The following NLK variants were observed in gnomAD, a reference collection of about 807,000 sequenced individuals.
NLK encodes nemo like kinase, also known as serine/threonine-protein kinase NLK.
NLK carries 11 observed loss-of-function variants against 59.0 expected under a neutral mutation model. That is an observed-to-expected ratio of 0.19 (90% CI 0.12 to 0.31). The LOEUF (loss-of-function observed/expected upper bound fraction) is 0.31. Ranked by LOEUF, NLK falls within the 10% of genes least tolerant of loss-of-function variation. NLK has a pLI of 1.00. For synonymous variants in NLK, 235 were observed against 235.9 expected (o/e 1.00, Z 0.03); for missense variants, 410 against 661.1 (o/e 0.62, Z 4.16).
chr17:28,063,938 A>G (rs917657910), intron 1 of NLK, among the ~76,000 whole-genome samples: 21 of 152,180 alleles, frequency 1.4e-4, no homozygotes, highest in Non-Finnish European at 1.5e-4. Flanking sequence ...TAGCCCTTTG[A>G]ATAGTTTAAA....
intron 3 of NLK, among the ~76,000 whole-genome samples, chr17:28,147,572 T>C (rs1041237491): frequency 1.3e-5 from 2 of 152,024 alleles, no homozygotes; most frequent in African/African-American, 4.8e-5. Context: ...TGCCAGGCTC[T>C]AGATTAGTTA....
At chr17:28,044,580 T>A (rs1908989542) in intron 1 of NLK, among the ~76,000 whole-genome samples, 1 of 152,190 alleles carries the variant, frequency 6.6e-6, no homozygotes, top group African/African-American at 2.4e-5. Context: ...TCAAGGTGTG[T>A]GGGATTCAAG....
At chr17:28,187,445 G>A (rs35840541) in intron 8 of NLK, among the ~76,000 whole-genome samples, 360 of 152,298 alleles carry the variant, frequency 2.4e-3, no homozygotes, top group African/African-American at 8.1e-3. Flanking sequence ...TGGGATTACA[G>A]GCACGTGCCA....
intron 1 of NLK, among the ~76,000 whole-genome samples, chr17:28,080,895 T>C (rs915780301): frequency 1.3e-5 from 2 of 152,018 alleles, no homozygotes; most frequent in African/African-American, 4.8e-5. Flanking sequence ...TCAGATCTGA[T>C]TGTGTTTTTT....
chr17:28,198,086 A>ACAGACACCACCC (rs568382719), downstream of NLK, among the ~76,000 whole-genome samples: 37 of 152,326 alleles, frequency 2.4e-4, no homozygotes, highest in South Asian at 2.1e-3. Context: ...AAACTGGGGT[A>ACAGACACCACCC]CAGACACCCC....
At chr17:28,136,125 A>G (rs1906736493) in intron 3 of NLK, among the ~76,000 whole-genome samples, 1 of 152,218 alleles carries the variant, frequency 6.6e-6, no homozygotes, top group South Asian at 2.1e-4. Flanking sequence ...AAAAATATTC[A>G]TGGAACCCTC....
intron 1 of NLK, among the ~76,000 whole-genome samples, chr17:28,106,514 G>C (rs1489828845): frequency 2.0e-5 from 3 of 152,084 alleles, no homozygotes; most frequent in African/African-American, 7.2e-5. Flanking sequence ...CTCACTATGA[G>C]AATTTCAGTT....
intron 3 of NLK, among the ~76,000 whole-genome samples, chr17:28,144,823 A>G (rs1241697608): frequency 6.6e-6 from 1 of 152,148 alleles, no homozygotes; most frequent in African/African-American, 2.4e-5. Context: ...ACTTGCCATA[A>G]TTGGAGGATA....
At chr17:28,075,760 T>A (rs1204621046) in intron 1 of NLK, among the ~76,000 whole-genome samples, 1 of 152,124 alleles carries the variant, frequency 6.6e-6, no homozygotes, top group Non-Finnish European at 1.5e-5. Context: ...CTCGGTCCCT[T>A]CACCCCCACT....
intron 3 of NLK, among the ~76,000 whole-genome samples, chr17:28,140,423 A>G (rs1287629193): frequency 6.6e-6 from 1 of 152,216 alleles, no homozygotes; most frequent in Non-Finnish European, 1.5e-5. Flanking sequence ...TAAATGATAA[A>G]TTTTGTGTGT....
chr17:28,199,665 C>CAAA (rs1303411168), downstream of NLK, among the ~76,000 whole-genome samples: 39 of 33,566 alleles, frequency 1.2e-3, no homozygotes, highest in Non-Finnish European at 1.6e-3. Context: ...GACTCTGTCT[C>CAAA]AAAAAAAAAA....
intron 8 of NLK, 115 bp from the exon 9 acceptor site, chr17:28,190,906 G>A (rs1158871227): frequency 5.9e-6 from 4 of 682,706 alleles, no homozygotes; most frequent in Non-Finnish European, 9.7e-6. Flanking sequence ...TGGACGGGAT[G>A]TACTATAAAT....
intron 1 of NLK, among the ~76,000 whole-genome samples, chr17:28,092,673 G>T (rs746278046): frequency 2.0e-5 from 3 of 152,038 alleles, no homozygotes; most frequent in African/African-American, 7.2e-5. Context: ...TAACAAGTTC[G>T]GGGAGATAAT....
chr17:28,177,497 C>T (rs1403076444), intron 7 of NLK, among the ~76,000 whole-genome samples: 1 of 152,170 alleles, frequency 6.6e-6, no homozygotes, highest in Non-Finnish European at 1.5e-5. Flanking sequence ...TGACTTCAGG[C>T]CCTGTTGGAA....
chr17:28,151,686 A>G (rs146359928), intron 3 of NLK, among the ~76,000 whole-genome samples: 49 of 152,338 alleles, frequency 3.2e-4, no homozygotes, highest in Admixed American at 5.9e-4. Flanking sequence ...AATTAAAGTT[A>G]ATTAACCTGT....
chr17:28,161,868 G>GA (rs1420179313), intron 4 of NLK, among the ~76,000 whole-genome samples: 2 of 152,128 alleles, frequency 1.3e-5, no homozygotes, highest in African/African-American at 4.8e-5. Flanking sequence ...ATGTCCATGA[G>GA]AATTTTGCCA....
In NLK at chr17:28,194,719, C is replaced by G; in HGVS notation, c.*83C>G. 1 of 846,126 alleles carries G rather than the reference C, an allele frequency of 1.2e-6. No individual in the cohort carries two copies. The highest frequency in any genetic ancestry group is 2.2e-5 in the South Asian group (1 of 44,578). The allele number at this position is 846,126 out of a possible 1,614,324, so 52.4% of individuals were successfully genotyped here. ...TTTGCAATTCTGGAGGTTAATCATG[C>G]TTGTACTGTAATTTTACTAATGAAG... On this transcript the variant is annotated 3_prime_UTR_variant, in exon 11 of 11. Transcript: ENST00000407008.
intron 5 of NLK, among the ~76,000 whole-genome samples, chr17:28,164,842 A>C (rs1407586042): frequency 6.6e-6 from 1 of 152,186 alleles, no homozygotes; most frequent in Non-Finnish European, 1.5e-5. Context: ...TGTATAAATA[A>C]AATTCATTTT....
At chr17:28,153,090 A>G (rs1293463836) in intron 3 of NLK, among the ~76,000 whole-genome samples, 1 of 151,988 alleles carries the variant, frequency 6.6e-6, no homozygotes, top group Non-Finnish European at 1.5e-5. Context: ...CCTGACCAAC[A>G]TGGAGAAACC....
Sources: allele counts gnomAD v4.1 joint callset (sites outside exome capture counted in the v4.1 genomes callset), GRCh38; gene constraint gnomAD v4.1.1; transcripts MANE v1.5; gene names NCBI Gene and HGNC (gene_info 2026-07-23, HGNC 2026-07-21).